The following CDH8 variants were observed in gnomAD, a reference collection of about 807,000 sequenced individuals.
CDH8 encodes the protein cadherin 8.
CDH8 carries 17 observed loss-of-function variants against 68.1 expected under a neutral mutation model. The observed-to-expected ratio is 0.25, with a 90% CI of 0.17 to 0.37. The LOEUF (loss-of-function observed/expected upper bound fraction) is 0.37. Ranked by LOEUF, CDH8 falls within the 10% of genes least tolerant of loss-of-function variation. The pLI is 1.00. For missense variants in CDH8, 763 were observed against 999.3 expected (o/e 0.76, Z 3.19); for synonymous variants, 372 against 365.1 (o/e 1.02, Z -0.21).
chr16:61,904,311 A>G (rs970353169), intron 2 of CDH8, among the ~76,000 whole-genome samples: 3 of 152,214 alleles, frequency 2.0e-5, no homozygotes, highest in Non-Finnish European at 4.4e-5. Flanking sequence ...TAAGTGTGTC[A>G]TATCATATTC....
chr16:62,021,097 A>G, intron 2 of CDH8, 55 bp downstream of exon 2: 1 of 1,456,336 alleles, frequency 6.9e-7, no homozygotes, highest in South Asian at 1.2e-5. Flanking sequence ...CTGGTATTAA[A>G]CATCTTAAGA....
At chr16:61,971,539 G>A (rs971687297) in intron 2 of CDH8, among the ~76,000 whole-genome samples, 2 of 152,110 alleles carry the variant, frequency 1.3e-5, no homozygotes, top group African/African-American at 2.4e-5. Flanking sequence ...CTCTGGGCAC[G>A]CCACCCTGCA....
chr16:61,847,474 C>A (rs1029220531), intron 4 of CDH8, among the ~76,000 whole-genome samples: 3 of 150,086 alleles, frequency 2.0e-5, no homozygotes, highest in Admixed American at 1.3e-4. Context: ...CAGAGACTAA[C>A]TTTGGCTTAA....
At chr16:61,983,298 C>T (rs1361642998) in intron 2 of CDH8, among the ~76,000 whole-genome samples, 1 of 152,096 alleles carries the variant, frequency 6.6e-6, no homozygotes, top group Non-Finnish European at 1.5e-5. Flanking sequence ...TTTATTTTCG[C>T]CAAAGAATGG....
chr16:61,953,895 TTATATA>T (rs66743095), intron 2 of CDH8, among the ~76,000 whole-genome samples: 26,054 of 118,734 alleles, frequency 0.22, 3,187 homozygotes, highest in African/African-American at 0.31. Flanking sequence ...AAAAAAAACT[TTATATA>T]TATATATATA....
chr16:61,876,496 C>A (rs191116014), intron 3 of CDH8, among the ~76,000 whole-genome samples: 1 of 152,186 alleles, frequency 6.6e-6, no homozygotes, highest in Admixed American at 6.5e-5. Context: ...AATGCCAAGA[C>A]CCCTGGACAT....
chr16:61,935,447 C>A (rs1964612758), intron 2 of CDH8, among the ~76,000 whole-genome samples: 1 of 152,090 alleles, frequency 6.6e-6, no homozygotes, highest in Non-Finnish European at 1.5e-5. Context: ...TAAATATCTA[C>A]AACTGTTTCT....
At chr16:61,827,429 T>C (rs1200926577) in intron 4 of CDH8, among the ~76,000 whole-genome samples, 1 of 151,870 alleles carries the variant, frequency 6.6e-6, no homozygotes, top group Admixed American at 6.6e-5. Context: ...TCAGGTTACT[T>C]GCGTGAAAGA....
At chr16:62,015,188 T>C (rs1901906541) in intron 2 of CDH8, among the ~76,000 whole-genome samples, 1 of 152,180 alleles carries the variant, frequency 6.6e-6, no homozygotes, top group Non-Finnish European at 1.5e-5. Flanking sequence ...AAAAATGTTA[T>C]TTTAAAAATT....
At chr16:61,852,030 A>T (rs528610045) in intron 4 of CDH8, among the ~76,000 whole-genome samples, 3 of 152,238 alleles carry the variant, frequency 2.0e-5, no homozygotes, top group African/African-American at 7.2e-5. Context: ...TAAAAGTGAG[A>T]TGACACTAAT....
At position 61,817,574 on chromosome 16, in the gene CDH8, C is replaced by T. The variant is rs770946859; in HGVS notation, c.1182G>A (p.Pro394=). 18 of 1,613,826 alleles carry T rather than the reference C, an allele frequency of 1.1e-5. No homozygotes were observed. Among genetic ancestry groups the T allele is most frequent in the Middle Eastern group, 1.6e-4 (1 of 6,062 alleles). ...TTTCATGAACTTCAAGTAGGTAAGT[C>T]GGTGAAGAGAAGACCGGAGGCTCAT... is the stretch of plus-strand genomic sequence containing the variant. ...DADEPPVFSS[P]TYLLEVHENA... is the part of the protein sequence containing the mutation. The change falls in exon 7 of 12, where the codon CCG becomes CCA. Residue 394 remains proline, a synonymous_variant. Transcript: ENST00000577390.
intron 3 of CDH8, among the ~76,000 whole-genome samples, chr16:61,885,464 C>T (rs1963655069): frequency 6.6e-6 from 1 of 152,184 alleles, no homozygotes; most frequent in Non-Finnish European, 1.5e-5. Flanking sequence ...ATTCACATCA[C>T]ATGGTCTCAC....
intron 2 of CDH8, among the ~76,000 whole-genome samples, chr16:62,002,835 C>A (rs778990428): frequency 2.6e-5 from 4 of 152,090 alleles, no homozygotes; most frequent in Non-Finnish European, 4.4e-5. Flanking sequence ...GGGCGGATCA[C>A]GAGGTCAGGA....
At chr16:61,696,085 A>G (rs1964320148) in intron 10 of CDH8, among the ~76,000 whole-genome samples, 1 of 152,228 alleles carries the variant, frequency 6.6e-6, no homozygotes, top group Admixed American at 6.5e-5. Flanking sequence ...GTCACATAAT[A>G]GACAACTACA....
intron 8 of CDH8, among the ~76,000 whole-genome samples, chr16:61,779,166 G>A (rs563266140): frequency 6.6e-6 from 1 of 152,208 alleles, no homozygotes; most frequent in African/African-American, 2.4e-5. Context: ...GGTACAGAGT[G>A]TCAGAGAGTT....
intron 10 of CDH8, among the ~76,000 whole-genome samples, chr16:61,669,213 A>C (rs1963741890): frequency 6.6e-6 from 1 of 152,088 alleles, no homozygotes; most frequent in African/African-American, 2.4e-5. Flanking sequence ...GTACAAATCC[A>C]ACTTTCCTTG....
intron 3 of CDH8, among the ~76,000 whole-genome samples, chr16:61,883,858 T>G (rs1277256630): frequency 6.6e-6 from 1 of 152,084 alleles, no homozygotes; most frequent in Non-Finnish European, 1.5e-5. Flanking sequence ...TTCAATAAAT[T>G]TTATTAAATG....
chr16:61,876,598 T>C (rs936582085), intron 3 of CDH8, among the ~76,000 whole-genome samples: 1 of 152,048 alleles, frequency 6.6e-6, no homozygotes, highest in African/African-American at 2.4e-5. Context: ...CTTGCACGGG[T>C]TTGGCTCATT....
intron 10 of CDH8, among the ~76,000 whole-genome samples, chr16:61,687,745 C>T (rs183463992): frequency 4.2e-4 from 64 of 152,084 alleles, no homozygotes; most frequent in Non-Finnish European, 7.1e-4. Context: ...GGGCAAGTTG[C>T]TTAATCCTTA....
Sources: allele counts gnomAD v4.1 joint callset (sites outside exome capture counted in the v4.1 genomes callset), GRCh38; gene constraint gnomAD v4.1.1; transcripts MANE v1.5; gene names NCBI Gene and HGNC (gene_info 2026-07-23, HGNC 2026-07-21).